Variants in AUTS2 observed in about 807,000 individuals in gnomAD.
AUTS2 encodes autism susceptibility gene 2 protein.
AUTS2 carries 17 observed loss-of-function variants against 112.4 expected under a neutral mutation model. That is an observed-to-expected ratio of 0.15 (90% CI 0.10 to 0.23). The LOEUF (loss-of-function observed/expected upper bound fraction) is 0.23, where lower values mean the gene tolerates loss of function less well. Among genes scored for constraint, AUTS2 ranks in the 10% least tolerant of loss-of-function variants. The pLI is 1.00. For missense variants in AUTS2, 1,510 were observed against 1,701.6 expected (o/e 0.89, Z 1.98); for synonymous variants, 751 against 702.7 (o/e 1.07, Z -1.09).
intron 2 of AUTS2, among the ~76,000 whole-genome samples, chr7:70,092,356 T>G (rs1803964847): frequency 6.6e-6 from 1 of 152,164 alleles, no homozygotes; most frequent in Admixed American, 6.5e-5. Flanking sequence ...CTGAAAGCAT[T>G]TGTTTATTAT....
chr7:69,789,726 T>G (rs1397461052), intron 1 of AUTS2, among the ~76,000 whole-genome samples: 1 of 152,066 alleles, frequency 6.6e-6, no homozygotes, highest in Non-Finnish European at 1.5e-5. Context: ...TAAGATTCCT[T>G]TTGGAACTCA....
chr7:70,410,598 A>G (rs1365427388), intron 4 of AUTS2, among the ~76,000 whole-genome samples: 2 of 151,350 alleles, frequency 1.3e-5, no homozygotes, highest in African/African-American at 2.4e-5. Flanking sequence ...TAATTTTTGT[A>G]TGCTTTGTAG....
At chr7:69,661,127 G>A (rs1253719242) in intron 1 of AUTS2, among the ~76,000 whole-genome samples, 1 of 152,060 alleles carries the variant, frequency 6.6e-6, no homozygotes, top group African/African-American at 2.4e-5. Context: ...GTACATTCAG[G>A]GAATCTTCCT....
chr7:70,418,805 A>T (rs1357601872), intron 4 of AUTS2, among the ~76,000 whole-genome samples: 1 of 151,684 alleles, frequency 6.6e-6, no homozygotes, highest in Non-Finnish European at 1.5e-5. Context: ...AGTGACCCAA[A>T]CTCTTTATCA....
At chr7:70,733,607 GACGGAGTCTC>G (rs1787588707) in intron 6 of AUTS2, among the ~76,000 whole-genome samples, 3 of 128,478 alleles carry the variant, frequency 2.3e-5, no homozygotes, top group Admixed American at 9.7e-5. Flanking sequence ...GTTTTTTTGA[GACGGAGTCTC>G]ACTCTGTCAC....
At chr7:70,014,946 A>G (rs1799963577) in intron 2 of AUTS2, among the ~76,000 whole-genome samples, 1 of 152,212 alleles carries the variant, frequency 6.6e-6, no homozygotes, top group South Asian at 2.1e-4. Context: ...CAACCACAAT[A>G]TATGCAGCAC....
chr7:70,550,911 C>T (rs1470000505), intron 5 of AUTS2, among the ~76,000 whole-genome samples: 2 of 152,080 alleles, frequency 1.3e-5, no homozygotes, highest in Non-Finnish European at 2.9e-5. Flanking sequence ...ACTAGGACTC[C>T]TGAGTGAAAT....
intron 2 of AUTS2, among the ~76,000 whole-genome samples, chr7:69,908,898 G>A (rs539570409): frequency 2.0e-5 from 3 of 152,270 alleles, no homozygotes; most frequent in South Asian, 4.2e-4. Flanking sequence ...CTATGTCAGA[G>A]CAACTGTGGA....
chr7:69,766,536 A>G (rs576035132), intron 1 of AUTS2, among the ~76,000 whole-genome samples: 32 of 152,316 alleles, frequency 2.1e-4, no homozygotes, highest in Admixed American at 7.2e-4. Context: ...TGTTTTCCAT[A>G]AGCAGCTAGA....
At position 70,788,889 on chromosome 7, in the gene AUTS2, G is replaced by A. The variant is rs566911243; in HGVS notation, c.2532-859G>A. Reference sequence around the variant, plus strand: ...CTGCCTGGTCTTAGTTTTAACTCAAGTTTTACCTTATTGTCATTCCATTTG... The same window carrying A: ...CTGCCTGGTCTTAGTTTTAACTCAAATTTTACCTTATTGTCATTCCATTTG... On this transcript the variant is annotated intron_variant, in intron 18 of 18. Coordinates refer to ENST00000342771, the MANE Select transcript of AUTS2 (RefSeq NM_015570.4). 2.6e-5 allele frequency among the ~76,000 whole-genome samples: 4 copies of A among 152,240 alleles called. No individual in the cohort carries two copies. In the South Asian group the frequency reaches 8.3e-4, roughly 32 times the overall value.
chr7:69,909,917 C>G (rs1489669806), intron 2 of AUTS2, among the ~76,000 whole-genome samples: 2 of 152,070 alleles, frequency 1.3e-5, no homozygotes, highest in Non-Finnish European at 2.9e-5. Flanking sequence ...TTAATAATGA[C>G]TTTTGATTTT....
At position 70,415,639 on chromosome 7, in the gene AUTS2, C is replaced by T. The variant is rs1290944518; in HGVS notation, c.661-20113C>T. Among the ~76,000 whole-genome samples the T allele has an allele frequency of 4.6e-5, 7 of 152,184 alleles. No homozygotes were observed. The East Asian group carries it at 1.4e-3, about 29-fold the overall frequency. ...AAGTGGCTACCGTAAGTGGCCTCCACTTGATAAGTTGTAACAAGATCACAG... is the reference window on the plus strand; with the variant it reads ...AAGTGGCTACCGTAAGTGGCCTCCATTTGATAAGTTGTAACAAGATCACAG... On this transcript the variant is annotated intron_variant, in intron 4 of 18. Transcript: ENST00000342771.
intron 5 of AUTS2, among the ~76,000 whole-genome samples, chr7:70,445,245 A>G (rs530211362): frequency 4.6e-5 from 7 of 152,142 alleles, no homozygotes; most frequent in East Asian, 1.9e-4. Context: ...GAGCTGAGAT[A>G]TAAGTTGTGT....
At chr7:69,999,500 A>C (rs144170370) in intron 2 of AUTS2, among the ~76,000 whole-genome samples, 4 of 152,320 alleles carry the variant, frequency 2.6e-5, no homozygotes, top group African/African-American at 7.2e-5. Context: ...TATTTTTGCA[A>C]AATTTAAGAG....
chr7:70,042,200 G>A (rs1801279275), intron 2 of AUTS2, among the ~76,000 whole-genome samples: 1 of 116,150 alleles, frequency 8.6e-6, no homozygotes, highest in African/African-American at 3.4e-5. Context: ...AAAAAATTGA[G>A]CATAAATTAT....
chr7:70,453,403 G>A (rs1211591867), intron 5 of AUTS2, among the ~76,000 whole-genome samples: 3 of 152,242 alleles, frequency 2.0e-5, no homozygotes, highest in Non-Finnish European at 4.4e-5. Flanking sequence ...GCGCTACAGA[G>A]CAATGTAACA....
intron 1 of AUTS2, among the ~76,000 whole-genome samples, chr7:69,650,568 C>T (rs1179123788): frequency 2.0e-5 from 3 of 152,128 alleles, no homozygotes; most frequent in South Asian, 2.1e-4. Flanking sequence ...TCTCTCACTA[C>T]CAGGACCAGC....
At chr7:70,539,143 G>C (rs1321619925) in intron 5 of AUTS2, among the ~76,000 whole-genome samples, 1 of 152,132 alleles carries the variant, frequency 6.6e-6, no homozygotes, top group African/African-American at 2.4e-5. Flanking sequence ...CATTTGTGAG[G>C]TAGAGTCGCA....
At chr7:69,714,247 ATATG>A (rs879143916) in intron 1 of AUTS2, among the ~76,000 whole-genome samples, 2,194 of 41,878 alleles carry the variant, frequency 0.052, 19 homozygotes, top group East Asian at 0.095. Flanking sequence ...ATGTGTGTGT[ATATG>A]TGTGTGTGTG....
Sources: gnomAD v4.1 joint callset for allele counts (sites outside exome capture counted in the v4.1 genomes callset) on GRCh38, gnomAD v4.1.1 for gene constraint, MANE v1.5 for transcripts, NCBI Gene and HGNC (gene_info 2026-07-23, HGNC 2026-07-21) for gene names.